The following RTN4RL2 variants were observed in gnomAD, a reference collection of about 807,000 sequenced individuals.
The protein encoded by RTN4RL2 is reticulon 4 receptor like 2.
A neutral mutation model predicts 27.8 loss-of-function variants in RTN4RL2; 9 were observed. The ratio of observed to expected loss-of-function variants is 0.32; its 90% CI spans 0.20 to 0.57. The LOEUF (loss-of-function observed/expected upper bound fraction) is 0.57. RTN4RL2 is among the 20% of genes least tolerant of loss of function. The pLI is 0.90. For missense variants in RTN4RL2, 436 were observed against 596.8 expected (o/e 0.73, Z 2.81); for synonymous variants, 285 against 297.9 (o/e 0.96, Z 0.45).
In RTN4RL2 at chr11:57,467,820, G is replaced by A; in HGVS notation, c.243G>A (p.Gly81=). ...GCACGCTGCGGCCAGGCACCTTTGG[G>A]TCCAACCTGCTCACCCTGTGGCTCT... ...LIRTLRPGTF[G]SNLLTLWLFS... is the part of the protein sequence containing the mutation. The change falls in exon 2 of 3, where the codon GGG becomes GGA. Residue 81 remains glycine (G), a synonymous_variant. Coordinates refer to ENST00000335099, the MANE Select transcript of RTN4RL2 (RefSeq NM_178570.3). This position sits in a 1 kb window ranked among gnomAD's most constrained non-coding sequence, Gnocchi z 5.5. 6.2e-7 allele frequency: 1 copy of A among 1,614,136 alleles called. No homozygotes were observed. Among genetic ancestry groups the A allele is most frequent in the Non-Finnish European group, 8.5e-7 (1 of 1,180,026 alleles).
intron 2 of RTN4RL2, 51 bp downstream of exon 2, chr11:57,468,141 G>A: frequency 4.6e-6 from 7 of 1,535,784 alleles, no homozygotes; most frequent in Non-Finnish European, 6.1e-6. Context: ...TCCTCTCTCT[G>A]TGGGCCCCTC....
intron 2 of RTN4RL2, among the ~76,000 whole-genome samples, chr11:57,472,599 T>G (rs1943570017): frequency 6.6e-6 from 1 of 152,206 alleles, no homozygotes; most frequent in Non-Finnish European, 1.5e-5. Context: ...GCTCTATGGC[T>G]TTGTGCAAGT....
intron 2 of RTN4RL2, among the ~76,000 whole-genome samples, chr11:57,473,582 G>GGGGAGATA: frequency 7.6e-6 from 1 of 132,330 alleles, no homozygotes. Context: ...GAGATAGGGA[G>GGGGAGATA]GGGAGATAGG....
chr11:57,476,407 C>A lies in RTN4RL2; in HGVS notation c.759C>A (p.Leu253=), dbSNP rs758025718. Residue 253 remains leucine, a synonymous_variant, in exon 3 of 3, where the codon CTC becomes CTA. Coordinates refer to ENST00000335099, the MANE Select transcript of RTN4RL2 (RefSeq NM_178570.3). The surrounding 1 kb of genome is among the most constrained non-coding windows in gnomAD (Gnocchi z 8.2). ...PGEALADLPS[L]EFLRLNANPW... is the part of the protein sequence containing the mutation. ...AGGCGCTCGCCGACCTGCCCTCGCT[C>A]GAGTTCCTGCGGCTCAACGCTAACC... 5 of 1,601,566 alleles carry A rather than the reference C, an allele frequency of 3.1e-6. No individual in the cohort carries two copies. Among genetic ancestry groups the A allele is most frequent in the South Asian group, 1.1e-5 (1 of 90,734 alleles).
rs1943476863 is a variant in RTN4RL2 at position 57,460,773 on chromosome 11, C to T, written c.-93C>T. The T allele has an allele frequency of 4.8e-6, 3 of 621,076 alleles. No individual in the cohort carries two copies. Among genetic ancestry groups the T allele is most frequent in the African/African-American group, 1.9e-5 (1 of 51,452 alleles). The allele number at this position is 621,076 out of a possible 1,614,324, so 38.5% of individuals were successfully genotyped here. A position where few individuals can be genotyped will look rare whatever the true frequency, so the allele number is the denominator to read the frequency against. On this transcript the variant is annotated 5_prime_UTR_variant, in exon 1 of 3. Transcript: ENST00000335099. ...CGGGGACTCCCGGGCCCTCCCGGAG[C>T]CCCGCGGGGTCCCCGCCGTGCATCC...
intron 1 of RTN4RL2, among the ~76,000 whole-genome samples, chr11:57,465,276 A>C (rs1254794795): frequency 1.3e-5 from 2 of 152,170 alleles, no homozygotes; most frequent in Non-Finnish European, 2.9e-5. Flanking sequence ...TCACGCCACT[A>C]CCCAAAATCA....
At chr11:57,466,142 A>G (rs975972244) in intron 1 of RTN4RL2, among the ~76,000 whole-genome samples, 9 of 151,862 alleles carry the variant, frequency 5.9e-5, no homozygotes, top group African/African-American at 2.2e-4. Context: ...CTGGGACTAC[A>G]GGCGCCCGCC....
chr11:57,465,154 C>G (rs984331806), intron 1 of RTN4RL2, among the ~76,000 whole-genome samples: 5 of 152,202 alleles, frequency 3.3e-5, no homozygotes, highest in South Asian at 2.1e-4. Flanking sequence ...TGTGCTCCCC[C>G]CTCTGGAGGA....
intron 1 of RTN4RL2, among the ~76,000 whole-genome samples, chr11:57,466,157 T>C (rs1267864850): frequency 6.6e-6 from 1 of 151,626 alleles, no homozygotes; most frequent in Admixed American, 6.6e-5. Flanking sequence ...CCCGCCACCA[T>C]GCCCGGCTAA....
Position 57,467,575 on chromosome 11 carries a change from C to A in RTN4RL2, c.32-34C>A. On this transcript the variant is annotated intron_variant, in intron 1 of 2. Transcript: ENST00000335099. This position sits in a 1 kb window ranked among gnomAD's most constrained non-coding sequence, Gnocchi z 5.5. Reference sequence around the variant, plus strand: ...CCAGCTGGCACTCCTGCCCTGGAAGCCCACCTAGTAAGTTCTGCTTCCCCT... The same window carrying A: ...CCAGCTGGCACTCCTGCCCTGGAAGACCACCTAGTAAGTTCTGCTTCCCCT... 1 of 1,566,254 alleles carries A rather than the reference C, an allele frequency of 6.4e-7. No homozygotes were observed. Among genetic ancestry groups the A allele is most frequent in the South Asian group, 1.2e-5 (1 of 83,466 alleles).
At chr11:57,471,053 T>A (rs1262865257) in intron 2 of RTN4RL2, among the ~76,000 whole-genome samples, 1 of 151,964 alleles carries the variant, frequency 6.6e-6, no homozygotes, top group Non-Finnish European at 1.5e-5. Flanking sequence ...CTGGCCAATA[T>A]GGTGAAACCC....
chr11:57,465,990 A>ATTTTTTTTT (rs35174184), intron 1 of RTN4RL2, among the ~76,000 whole-genome samples: 1 of 77,900 alleles, frequency 1.3e-5, no homozygotes, highest in Non-Finnish European at 2.4e-5. Flanking sequence ...CATGCCTACA[A>ATTTTTTTTT]TTTTTTTTTT....
intron 1 of RTN4RL2, among the ~76,000 whole-genome samples, chr11:57,463,373 G>A (rs1943497489): frequency 6.6e-6 from 1 of 152,190 alleles, no homozygotes; most frequent in South Asian, 2.1e-4. Flanking sequence ...TTAGAGGAGG[G>A]GGTGAGCAGA....
chr11:57,465,084 G>A (rs536258872), intron 1 of RTN4RL2, among the ~76,000 whole-genome samples: 10 of 152,316 alleles, frequency 6.6e-5, no homozygotes, highest in African/African-American at 1.2e-4. Context: ...GGACACTCAC[G>A]GTGGGGCCCA....
rs760283423 is a variant in RTN4RL2, at chr11:57,467,754, A to G, written c.177A>G (p.Pro59=). 6.2e-7 allele frequency: 1 copy of G among 1,612,466 alleles called. No homozygotes were observed. The highest frequency in any genetic ancestry group is 2.2e-5 in the East Asian group (1 of 44,770). ...TCTCCTCTGTGCCGCTGTCCCTGCC[A>G]CCCAGCACTCAGCGACTCTTCCTGC... The part of the protein sequence containing the change: ...NNFSSVPLSL[P]PSTQRLFLQN... The change falls in exon 2 of 3, where the codon CCA becomes CCG. Residue 59 remains proline, a synonymous_variant. Transcript: ENST00000335099. The surrounding 1 kb of genome is among the most constrained non-coding windows in gnomAD (Gnocchi z 5.5).
intron 2 of RTN4RL2, among the ~76,000 whole-genome samples, chr11:57,470,595 A>G (rs1943556889): frequency 7.1e-6 from 1 of 140,778 alleles, no homozygotes; most frequent in Admixed American, 6.7e-5. Flanking sequence ...AATGTAAGGC[A>G]TTTAGCACAA....
At position 57,476,739 on chromosome 11, in the gene RTN4RL2, C is replaced by T. The variant is rs1022208001; in HGVS notation, c.1091C>T (p.Ala364Val). 5 of 1,447,682 alleles carry T rather than the reference C, an allele frequency of 3.5e-6. No homozygotes were observed. In the African/African-American group the frequency reaches 4.4e-5, roughly 13 times the overall value. The allele number at this position is 1,447,682 out of a possible 1,614,324, so 89.7% of individuals were successfully genotyped here. ...EDSRGRQGGD[A>V]PTEDDYWGGY... The stretch of plus-strand genomic sequence containing the variant: ...TCGCGGGGGCGCCAGGGCGGGGACG[C>T]GCCTACTGAGGACGACTACTGGGGG... Residue 364 changes from alanine to valine, a missense_variant, in exon 3 of 3, where the codon GCG becomes GTG. Ala to Val is a moderately conservative substitution (Grantham distance 64). Transcript: ENST00000335099. The surrounding 1 kb of genome is among the most constrained non-coding windows in gnomAD (Gnocchi z 8.2).
At position 57,468,051 on chromosome 11, in the gene RTN4RL2, G is replaced by A. The variant is rs142760115; in HGVS notation, c.474G>A (p.Gln158=). ...GNIFRGLVSL[Q]YLYLQENSLL... ...TCTTCCGAGGCCTGGTCAGCCTGCA[G>A]TACCTCTACCTCCAGGAGAACAGCC... Residue 158 remains glutamine (Q), a synonymous_variant, in exon 2 of 3, where the codon CAG becomes CAA. Coordinates refer to ENST00000335099, the MANE Select transcript of RTN4RL2 (RefSeq NM_178570.3). The A allele has an allele frequency of 5.8e-5, 92 of 1,599,172 alleles. No homozygotes were observed. The African/African-American group carries it at 1.2e-3, about 21-fold the overall frequency.
chr11:57,476,592 C>G lies in RTN4RL2; in HGVS notation c.944C>G (p.Pro315Arg). 2.1e-6 allele frequency: 3 copies of G among 1,400,740 alleles called. No individual in the cohort carries two copies. The allele number at this position is 1,400,740 out of a possible 1,614,324, so 86.8% of individuals were successfully genotyped here. A position where few individuals can be genotyped will look rare whatever the true frequency, so the allele number is the denominator to read the frequency against. Residue 315 changes from proline (P) to arginine (R), a missense_variant, in exon 3 of 3, where the codon CCC becomes CGC. Physicochemically the swap from Pro to Arg is moderately radical, Grantham distance 103. Coordinates refer to ENST00000335099, the MANE Select transcript of RTN4RL2 (RefSeq NM_178570.3). This position sits in a 1 kb window ranked among gnomAD's most constrained non-coding sequence, Gnocchi z 8.2. ...ADFQACPPAA[P>R]TRPGSRARGN... ...TTCCAGGCGTGTCCGCCCGCGGCAC[C>G]CACGCGGCCGGGCAGCCGCGCCCGC...
Sources: allele counts gnomAD v4.1 joint callset (sites outside exome capture counted in the v4.1 genomes callset), GRCh38; gene constraint gnomAD v4.1.1; non-coding constraint Gnocchi (gnomAD v3.1); transcripts MANE v1.5; gene names NCBI Gene and HGNC (gene_info 2026-07-23, HGNC 2026-07-21).